The following LGR6 variants were observed in gnomAD, a reference collection of about 807,000 sequenced individuals.
The protein encoded by LGR6 is leucine rich repeat containing G protein-coupled receptor 6.
LGR6 carries 45 observed loss-of-function variants against 69.4 expected under a neutral mutation model. That is an observed-to-expected ratio of 0.65 (90% confidence interval 0.51 to 0.83). The LOEUF (loss-of-function observed/expected upper bound fraction) is 0.83, where lower values mean the gene tolerates loss of function less well. Ranked by LOEUF, LGR6 falls within the 40% of genes least tolerant of loss-of-function variation. The pLI is 0.00. For missense variants in LGR6, 1,108 were observed against 1,246.7 expected (o/e 0.89, Z 1.68); for synonymous variants, 538 against 555.0 (o/e 0.97, Z 0.43).
chr1:202,255,756 C>A (rs145272796), intron 4 of LGR6, among the ~76,000 whole-genome samples: 1 of 152,182 alleles, frequency 6.6e-6, no homozygotes, highest in Non-Finnish European at 1.5e-5. Context: ...CATACTCTTA[C>A]AAACACACAT....
At chr1:202,285,784 A>G (rs760899217) in intron 6 of LGR6, among the ~76,000 whole-genome samples, 20 of 152,218 alleles carry the variant, frequency 1.3e-4, no homozygotes, top group African/African-American at 4.1e-4. Context: ...TGTGGCTGCC[A>G]TAACAAATTA....
intron 4 of LGR6, among the ~76,000 whole-genome samples, chr1:202,245,670 T>C (rs1662598633): frequency 6.6e-6 from 1 of 152,098 alleles, no homozygotes; most frequent in South Asian, 2.1e-4. Context: ...ACCCCGGGTG[T>C]TGCGAACTGA....
intron 6 of LGR6, among the ~76,000 whole-genome samples, chr1:202,286,735 A>C (rs1193313014): frequency 6.6e-6 from 1 of 152,156 alleles, no homozygotes; most frequent in African/African-American, 2.4e-5. Context: ...CTCCATATAA[A>C]AATTTTTTTT....
chr1:202,312,489 C>T (rs1353396348), intron 16 of LGR6, among the ~76,000 whole-genome samples: 4 of 152,166 alleles, frequency 2.6e-5, no homozygotes, highest in Admixed American at 6.5e-5. Flanking sequence ...CTTCCTGCCT[C>T]CTGGGAAAGC....
chr1:202,205,698 A>G lies in LGR6; in HGVS notation c.212+11497A>G, dbSNP rs1167983499. ...ATACACACACACCTCCTTCAAACAT[A>G]CACACACACCCCTAACACACACACC... On this transcript the variant is annotated intron_variant, in intron 1 of 17. Transcript: ENST00000367278. Among the ~76,000 whole-genome samples, 6 of 140,060 alleles carry G rather than the reference A, an allele frequency of 4.3e-5. No homozygotes were observed. In the East Asian group the frequency reaches 1.4e-3, roughly 32 times the overall value. The allele number at this position is 140,060 out of a possible 152,430, so 91.9% of individuals were successfully genotyped here. A position where few individuals can be genotyped will look rare whatever the true frequency, so the allele number is the denominator to read the frequency against.
intron 4 of LGR6, among the ~76,000 whole-genome samples, chr1:202,275,253 T>C (rs891617530): frequency 6.6e-6 from 1 of 152,070 alleles, no homozygotes; most frequent in African/African-American, 2.4e-5. Flanking sequence ...CGCTTCAAGA[T>C]AGGAAAGTCC....
chr1:202,305,909 G>A (rs1653136181), intron 12 of LGR6, among the ~76,000 whole-genome samples, 160 bp downstream of exon 12: 1 of 152,194 alleles, frequency 6.6e-6, no homozygotes, highest in South Asian at 2.1e-4. Context: ...AGGGCTGAGA[G>A]CTTGGCAGAG....
chr1:202,219,355 C>T (rs1299060281), intron 1 of LGR6, among the ~76,000 whole-genome samples: 3 of 152,292 alleles, frequency 2.0e-5, no homozygotes, highest in South Asian at 4.2e-4. Flanking sequence ...TCTGGGCAGC[C>T]CGTTAAGCCC....
At chr1:202,255,970 T>G (rs1200898595) in intron 4 of LGR6, among the ~76,000 whole-genome samples, 1 of 152,228 alleles carries the variant, frequency 6.6e-6, no homozygotes, top group African/African-American at 2.4e-5. Flanking sequence ...GTTGTGCAAC[T>G]ATCACCAATA....
chr1:202,212,662 T>C (rs566319413), intron 1 of LGR6, among the ~76,000 whole-genome samples: 11 of 152,354 alleles, frequency 7.2e-5, no homozygotes, highest in South Asian at 2.1e-4. Context: ...GCAATTGACA[T>C]TGGATTTAGA....
chr1:202,223,199 T>C (rs777576743), intron 1 of LGR6, among the ~76,000 whole-genome samples: 3 of 152,156 alleles, frequency 2.0e-5, no homozygotes, highest in Non-Finnish European at 4.4e-5. Flanking sequence ...ATCCCATTTC[T>C]AGACCGGCAA....
chr1:202,198,867 TG>T (rs987395684), intron 1 of LGR6, among the ~76,000 whole-genome samples: 3 of 151,664 alleles, frequency 2.0e-5, no homozygotes, highest in African/African-American at 7.3e-5. Flanking sequence ...TGTTGTGAGT[TG>T]GGGGTGGGGG....
At chr1:202,309,717 C>A (rs1182052281) in intron 15 of LGR6, among the ~76,000 whole-genome samples, 1 of 152,234 alleles carries the variant, frequency 6.6e-6, no homozygotes, top group Non-Finnish European at 1.5e-5. Context: ...CAGAGGGCAC[C>A]AAATCCAGCT....
chr1:202,258,525 T>C (rs1663969991), intron 4 of LGR6, among the ~76,000 whole-genome samples: 1 of 152,032 alleles, frequency 6.6e-6, no homozygotes, highest in Admixed American at 6.5e-5. Context: ...TAATGACTCA[T>C]TTCTTGTTAG....
chr1:202,282,043 G>T (rs1031727384), intron 6 of LGR6, among the ~76,000 whole-genome samples: 4 of 152,326 alleles, frequency 2.6e-5, no homozygotes, highest in Non-Finnish European at 5.9e-5. Flanking sequence ...CCAGAAGTGT[G>T]GCTGCTTTCT....
chr1:202,281,853 G>A (rs919647486), intron 6 of LGR6, among the ~76,000 whole-genome samples: 1 of 151,846 alleles, frequency 6.6e-6, no homozygotes, highest in African/African-American at 2.4e-5. Context: ...TCAAGAATCC[G>A]AAGCAGCAGA....
chr1:202,197,360 G>A, intron 1 of LGR6: 1 of 530,128 alleles, frequency 1.9e-6, no homozygotes, highest in Non-Finnish European at 3.9e-6. Flanking sequence ...TGCCAGCCCT[G>A]TTTGATCAAG....
intron 4 of LGR6, among the ~76,000 whole-genome samples, chr1:202,243,078 G>T (rs1323240749): frequency 1.3e-5 from 2 of 152,286 alleles, no homozygotes; most frequent in East Asian, 3.9e-4. Flanking sequence ...CTGGCCCAGA[G>T]TCCACGCATT....
intron 1 of LGR6, among the ~76,000 whole-genome samples, chr1:202,212,469 G>A (rs1475946767): frequency 6.6e-6 from 1 of 152,218 alleles, no homozygotes; most frequent in African/African-American, 2.4e-5. Context: ...TTCTTTCACA[G>A]TTCTGGAGGC....
Sources: allele counts gnomAD v4.1 joint callset (sites outside exome capture counted in the v4.1 genomes callset), GRCh38; gene constraint gnomAD v4.1.1; transcripts MANE v1.5; gene names NCBI Gene and HGNC (gene_info 2026-07-23, HGNC 2026-07-21).